CNBD1: variants seen among roughly 807,000 people sequenced by gnomAD.
CNBD1 encodes the protein cyclic nucleotide-binding domain-containing protein 1.
A neutral mutation model predicts 54.4 loss-of-function variants in CNBD1; 71 were observed. The ratio of observed to expected loss-of-function variants is 1.30; its 90% CI spans 1.08 to 1.59. The LOEUF (loss-of-function observed/expected upper bound fraction) is 1.59. Among genes scored for constraint, CNBD1 ranks in the 40% most tolerant of loss-of-function variants. The pLI is 0.00. For missense variants in CNBD1, 659 were observed against 518.0 expected (o/e 1.27, Z -2.64); for synonymous variants, 182 against 170.7 (o/e 1.07, Z -0.51).
chr8:87,007,597 T>C (rs1809129704), intron 4 of CNBD1, among the ~76,000 whole-genome samples: 1 of 152,168 alleles, frequency 6.6e-6, no homozygotes, highest in South Asian at 2.1e-4. Context: ...TTTCATCACC[T>C]GAATAAATGC....
chr8:86,899,987 A>G (rs1191276482), intron 2 of CNBD1, among the ~76,000 whole-genome samples: 1 of 151,990 alleles, frequency 6.6e-6, no homozygotes, highest in Non-Finnish European at 1.5e-5. Context: ...CATTGGTCAC[A>G]TCTCAAGTAT....
At chr8:87,369,540 T>G (rs1197633773) in intron 10 of CNBD1, among the ~76,000 whole-genome samples, 1 of 152,040 alleles carries the variant, frequency 6.6e-6, no homozygotes, top group Non-Finnish European at 1.5e-5. Flanking sequence ...ATGTCTTTAT[T>G]TCTTTTTCAT....
intron 1 of CNBD1, among the ~76,000 whole-genome samples, chr8:86,876,118 T>C (rs1041586215): frequency 6.6e-6 from 1 of 152,130 alleles, no homozygotes; most frequent in Non-Finnish European, 1.5e-5. Flanking sequence ...ATGTATTGTC[T>C]CTTCCATGAA....
intron 2 of CNBD1, among the ~76,000 whole-genome samples, chr8:87,426,190 G>A (rs112902691): frequency 0.012 from 1,887 of 152,244 alleles, 40 homozygotes; most frequent in African/African-American, 0.04. Context: ...CGCACGGTGC[G>A]CGCACCCACT....
rs115932831 is a variant in CNBD1, at chr8:87,347,919, T to C, written c.1043-3766T>C. Among the ~76,000 whole-genome samples the C allele has an allele frequency of 9.7e-3, 1,476 of 152,314 alleles. 20 individuals carry two copies. Among genetic ancestry groups the C allele is most frequent in the African/African-American group, 0.033 (1,352 of 41,566 alleles). On this transcript the variant is annotated intron_variant, in intron 8 of 10. Transcript: ENST00000518476. ...ATTTCTGTGACTAATTCTATAAATATATTATTTTAGTAAGTTCTTTGGAAG... is the reference window on the plus strand; with the variant it reads ...ATTTCTGTGACTAATTCTATAAATACATTATTTTAGTAAGTTCTTTGGAAG...
At chr8:86,875,593 T>G (rs1808509062) in intron 1 of CNBD1, among the ~76,000 whole-genome samples, 1 of 152,362 alleles carries the variant, frequency 6.6e-6, no homozygotes, top group African/African-American at 2.4e-5. Context: ...TCTTGTGCAT[T>G]TCTTTTATTA....
chr8:86,941,582 G>A (rs886670366), intron 4 of CNBD1, among the ~76,000 whole-genome samples: 7 of 152,122 alleles, frequency 4.6e-5, no homozygotes, highest in Non-Finnish European at 1.0e-4. Flanking sequence ...TCTGAGATGT[G>A]GGAGGTCAGT....
intron 4 of CNBD1, among the ~76,000 whole-genome samples, chr8:87,001,092 A>G (rs907425066): frequency 6.6e-5 from 10 of 151,966 alleles, no homozygotes; most frequent in Non-Finnish European, 1.5e-5. Context: ...CTTGCTTTCT[A>G]TTATTCTCTA....
chr8:87,011,773 A>G (rs1809227944), intron 4 of CNBD1, among the ~76,000 whole-genome samples: 1 of 152,196 alleles, frequency 6.6e-6, no homozygotes, highest in African/African-American at 2.4e-5. Context: ...AATTTAAAAA[A>G]CAAACATGAG....
At chr8:87,114,458 C>T (rs896587732) in intron 4 of CNBD1, among the ~76,000 whole-genome samples, 12 of 152,182 alleles carry the variant, frequency 7.9e-5, no homozygotes, top group Non-Finnish European at 1.6e-4. Flanking sequence ...TCCAGTGATT[C>T]TCCTGCCTCA....
At chr8:87,210,289 T>C (rs1037713575) in intron 5 of CNBD1, among the ~76,000 whole-genome samples, 7 of 152,194 alleles carry the variant, frequency 4.6e-5, no homozygotes, top group African/African-American at 1.7e-4. Context: ...TTTGAAAATT[T>C]GCAGCCTACC....
In CNBD1 at chr8:87,247,535, A is replaced by G. The variant is rs538295180; in HGVS notation, c.771+10423A>G. Among the ~76,000 whole-genome samples the G allele has an allele frequency of 7.9e-5, 12 of 152,314 alleles. No homozygotes were observed. The South Asian group carries it at 2.5e-3, about 32-fold the overall frequency. ...TCAGTCTCCCCTGGAGTGACAGATT[A>G]AATTCCTTGACCATGTTGAATGTGT... On this transcript the variant is annotated intron_variant, in intron 6 of 10. Transcript: ENST00000518476.
chr8:87,115,122 T>G (rs888080644), intron 4 of CNBD1, among the ~76,000 whole-genome samples: 5 of 152,204 alleles, frequency 3.3e-5, no homozygotes, highest in African/African-American at 1.2e-4. Context: ...ATGCAACAGC[T>G]AATATATTGA....
At chr8:87,147,819 C>G (rs935824743) in intron 4 of CNBD1, among the ~76,000 whole-genome samples, 1 of 152,058 alleles carries the variant, frequency 6.6e-6, no homozygotes, top group Non-Finnish European at 1.5e-5. Context: ...GTGAATTCCC[C>G]TGCAATGAAG....
chr8:86,879,566 G>A (rs192089618), intron 1 of CNBD1, among the ~76,000 whole-genome samples: 15 of 152,264 alleles, frequency 9.9e-5, no homozygotes, highest in African/African-American at 2.4e-4. Context: ...CAGAACATGC[G>A]TTGTTGAAAG....
intron 8 of CNBD1, among the ~76,000 whole-genome samples, chr8:87,351,087 T>A (rs934166821): frequency 7.9e-5 from 12 of 152,162 alleles, no homozygotes; most frequent in Non-Finnish European, 1.2e-4. Context: ...AAGTAAGGAC[T>A]CCTAATTAAT....
chr8:87,286,306 A>G (rs761831244), intron 7 of CNBD1, among the ~76,000 whole-genome samples: 9 of 152,224 alleles, frequency 5.9e-5, no homozygotes, highest in Non-Finnish European at 8.8e-5. Flanking sequence ...TTATAGAAGT[A>G]TAATAAATTA....
chr8:86,879,667 C>T (rs540364142), intron 1 of CNBD1, among the ~76,000 whole-genome samples: 4 of 151,962 alleles, frequency 2.6e-5, no homozygotes, highest in Non-Finnish European at 4.4e-5. Context: ...GTCAGGAGAT[C>T]GAGACTATCC....
intron 4 of CNBD1, among the ~76,000 whole-genome samples, chr8:87,006,050 C>T (rs1047295626): frequency 1.3e-5 from 2 of 152,164 alleles, no homozygotes; most frequent in Non-Finnish European, 2.9e-5. Flanking sequence ...AAAATTCAGT[C>T]ATGCTGAGGA....
Sources: allele counts gnomAD v4.1 joint callset (sites outside exome capture counted in the v4.1 genomes callset), GRCh38; gene constraint gnomAD v4.1.1; transcripts MANE v1.5; gene names NCBI Gene and HGNC (gene_info 2026-07-23, HGNC 2026-07-21).